TTBK2: variants seen among roughly 807,000 people sequenced by gnomAD.
TTBK2 encodes the protein tau tubulin kinase 2.
A neutral mutation model predicts 110.8 loss-of-function variants in TTBK2; 28 were observed. The ratio of observed to expected loss-of-function variants is 0.25; its 90% CI spans 0.19 to 0.35. TTBK2 has a LOEUF of 0.35. Ranked by LOEUF, TTBK2 falls within the 10% of genes least tolerant of loss-of-function variation. The probability of loss-of-function intolerance (pLI) is 1.00; values close to 1 mark genes in which losing one functional copy is unlikely to be tolerated. For synonymous variants in TTBK2, 532 were observed against 527.3 expected, an observed-to-expected ratio of 1.01 and a Z score of -0.12; for missense variants, 1,369 against 1,500.3, an observed-to-expected ratio of 0.91 and a Z score of 1.45.
intron 4 of TTBK2, among the ~76,000 whole-genome samples, chr15:42,840,122 C>T (rs115094146): frequency 0.016 from 2,464 of 152,176 alleles, 65 homozygotes; most frequent in African/African-American, 0.056. Flanking sequence ...ATGCAGGGAT[C>T]GAAAACTGCA....
intron 1 of TTBK2, among the ~76,000 whole-genome samples, chr15:42,886,354 A>C (rs1030360571): frequency 6.6e-6 from 1 of 152,100 alleles, no homozygotes; most frequent in Admixed American, 6.5e-5. Context: ...CCTCTTAAAG[A>C]GGTGGCTGGA....
At chr15:42,855,198 C>T (rs1195386380) in intron 3 of TTBK2, 1 of 152,124 alleles carries the variant, frequency 6.6e-6, no homozygotes, top group Non-Finnish European at 1.5e-5. Context: ...CTGCCTCAGC[C>T]TCCTGAAAAT....
At chr15:42,830,821 C>T (rs1595959834) in intron 4 of TTBK2, among the ~76,000 whole-genome samples, 2 of 151,892 alleles carry the variant, frequency 1.3e-5, no homozygotes, top group East Asian at 1.9e-4. Flanking sequence ...CTGGCTAACA[C>T]GGTGAAACCC....
Position 42,809,537 on chromosome 15 carries a change from G to GTC in TTBK2, c.822+1075_822+1076dup, listed in dbSNP as rs570660705. On this transcript the variant is annotated intron_variant, in intron 9 of 14. Coordinates refer to ENST00000267890, the MANE Select transcript of TTBK2 (RefSeq NM_173500.4). ...CAATTTTCAGCTCCTCTTGAATCTA[G>GTC]TCTTACAGGTATAATTTCATTGCTT... Among the ~76,000 whole-genome samples, 563 of 152,316 alleles carry GTC rather than the reference G, an allele frequency of 3.7e-3. 2 individuals are homozygous for GTC. Among genetic ancestry groups the GTC allele is most frequent in the African/African-American group, 0.013 (538 of 41,568 alleles).
Position 42,755,811 on chromosome 15 carries a change from C to G in TTBK2, c.1999-2564G>C, listed in dbSNP as rs149412748. On this transcript the variant is annotated intron_variant, in intron 13 of 14. Coordinates refer to ENST00000267890, the MANE Select transcript of TTBK2 (RefSeq NM_173500.4). ...GTAATTCACTTTTCAAAATTTACTT[C>G]TTAGTAAATGCACCCAAAAGTGACC... Among the ~76,000 whole-genome samples the G allele has an allele frequency of 3.7e-3, 559 of 152,250 alleles. 3 individuals are homozygous for G. The highest frequency in any genetic ancestry group is 6.6e-3 in the South Asian group (32 of 4,830).
chr15:42,874,184 A>T lies in TTBK2; in HGVS notation c.70-1426T>A, dbSNP rs111569959. Among the ~76,000 whole-genome samples, 899 of 152,298 alleles carry T rather than the reference A, an allele frequency of 5.9e-3. 10 individuals are homozygous for T. Among genetic ancestry groups the T allele is most frequent in the African/African-American group, 0.02 (847 of 41,580 alleles). On this transcript the variant is annotated intron_variant, in intron 2 of 14. Coordinates refer to ENST00000267890, the MANE Select transcript of TTBK2 (RefSeq NM_173500.4). Reference sequence around the variant, plus strand: ...ACAGAGAAACTAAGCCTTTTCAAAGAGATGGCCATTTGTTCTATTCTATTT... The same window carrying T: ...ACAGAGAAACTAAGCCTTTTCAAAGTGATGGCCATTTGTTCTATTCTATTT...
intron 1 of TTBK2, among the ~76,000 whole-genome samples, chr15:42,909,508 G>A (rs990133804): frequency 1.3e-5 from 2 of 152,076 alleles, no homozygotes; most frequent in African/African-American, 2.4e-5. Context: ...TCTCGCAAGA[G>A]CCTTAATTTA....
intron 10 of TTBK2, among the ~76,000 whole-genome samples, chr15:42,789,197 C>T (rs1890536297): frequency 6.6e-6 from 1 of 152,208 alleles, no homozygotes; most frequent in South Asian, 2.1e-4. Context: ...CCTACATCTC[C>T]CCATTTCCTT....
At chr15:42,814,607 G>A (rs1357477284) in intron 7 of TTBK2, among the ~76,000 whole-genome samples, 4 of 152,088 alleles carry the variant, frequency 2.6e-5, no homozygotes, top group Non-Finnish European at 5.9e-5. Flanking sequence ...ACCAGAAAAA[G>A]AGAAATAGAG....
chr15:42,836,501 G>A (rs148964153), intron 4 of TTBK2, among the ~76,000 whole-genome samples: 28 of 152,096 alleles, frequency 1.8e-4, no homozygotes, highest in African/African-American at 6.5e-4. Context: ...GAGTTTAAAT[G>A]GGTTAACTTT....
rs1176213622 is a variant in TTBK2, at chr15:42,860,645, T to C, written c.217+11966A>G. Among the ~76,000 whole-genome samples, 39 of 147,138 alleles carry C rather than the reference T, an allele frequency of 2.7e-4. 1 individual carries two copies. Among genetic ancestry groups the C allele is most frequent in the Admixed American group, 1.0e-3 (15 of 14,876 alleles). On this transcript the variant is annotated intron_variant, in intron 3 of 14. Transcript: ENST00000267890. Reference sequence around the variant, plus strand: ...CCTTAGCTGGGGTATTCTTTCTTTTTTTTTTTTTTTTTTTTTGAGATGGCA... The same window carrying C: ...CCTTAGCTGGGGTATTCTTTCTTTTCTTTTTTTTTTTTTTTTGAGATGGCA...
At position 42,752,480 on chromosome 15, in the gene TTBK2, C is replaced by T. The variant is rs368034421; in HGVS notation, c.2766G>A (p.Glu922=). The T allele has an allele frequency of 3.7e-6, 6 of 1,614,054 alleles. No individual in the cohort carries two copies. Among genetic ancestry groups the T allele is most frequent in the Non-Finnish European group, 5.1e-6 (6 of 1,180,034 alleles). Residue 922 remains glutamate, a synonymous_variant, in exon 14 of 15, where the codon GAG becomes GAA. Transcript: ENST00000267890. ...TCCGGGTTGGGGCACCATGTTCATT[C>T]TCTGAAACACAATGAAATAGTTCTC... is the stretch of plus-strand genomic sequence containing the variant. ...RNGELFHCVS[E]NEHGAPTRKD... is the part of the protein sequence containing the mutation.
intron 13 of TTBK2, among the ~76,000 whole-genome samples, chr15:42,760,482 A>G (rs1430004261): frequency 2.6e-5 from 4 of 152,116 alleles, no homozygotes; most frequent in African/African-American, 7.2e-5. Flanking sequence ...AGAATTTCTG[A>G]ATTGGAAGAC....
intron 1 of TTBK2, among the ~76,000 whole-genome samples, chr15:42,899,368 G>A (rs1895792973): frequency 6.6e-6 from 1 of 152,064 alleles, no homozygotes; most frequent in Non-Finnish European, 1.5e-5. Context: ...AACCGGGGTA[G>A]GCGGATCACT....
chr15:42,783,446 T>C lies in TTBK2; in HGVS notation c.1170A>G (p.Lys390=). ...KDVWEEMDAN[K]NKIKLGICKA... is the part of the protein sequence containing the mutation. The stretch of plus-strand genomic sequence containing the variant: ...TACAAATTCCAAGCTTTATCTTGTT[T>C]TTGTTGGCATCCATCTCTTCCCAAA... The change falls in exon 11 of 15, where the codon AAA becomes AAG. Residue 390 remains lysine, a synonymous_variant. Transcript: ENST00000267890. 1 of 1,614,148 alleles carries C rather than the reference T, an allele frequency of 6.2e-7. No individual in the cohort carries two copies.
intron 6 of TTBK2, among the ~76,000 whole-genome samples, chr15:42,824,761 T>C (rs1193980063): frequency 6.6e-6 from 1 of 152,060 alleles, no homozygotes. Flanking sequence ...AAATAACTAT[T>C]GGGTACTAGG....
chr15:42,745,236 G>C lies in TTBK2; in HGVS notation c.*559C>G, dbSNP rs1209900555. ...TTTTAAAAAAAAATCTGAACTCCAGGGAGGGTACTAGGAATGAGGCAAAGT... is the reference window on the plus strand; with the variant it reads ...TTTTAAAAAAAAATCTGAACTCCAGCGAGGGTACTAGGAATGAGGCAAAGT... On this transcript the variant is annotated 3_prime_UTR_variant, in exon 15 of 15. Coordinates refer to ENST00000267890, the MANE Select transcript of TTBK2 (RefSeq NM_173500.4). The C allele has an allele frequency of 6.4e-6, 1 of 157,190 alleles. No homozygotes were observed. The highest frequency in any genetic ancestry group is 1.4e-5 in the Non-Finnish European group (1 of 70,736). 9.7% of individuals were successfully genotyped at this position (157,190 alleles called of 1,614,324 possible). A position where few individuals can be genotyped will look rare whatever the true frequency, so the allele number is the denominator to read the frequency against.
rs147422983 is a variant in TTBK2 at position 42,850,082 on chromosome 15, C to T, written c.218-9649G>A. Among the ~76,000 whole-genome samples the T allele has an allele frequency of 2.1e-3, 315 of 152,274 alleles. 6 individuals are homozygous for T. The East Asian group carries it at 0.044, about 21-fold the overall frequency. ...TCCCAACTCTCTTCAGACCACAGTT[C>T]CTCCCATCTGAGAAGAAGGATCCTC... On this transcript the variant is annotated intron_variant, in intron 3 of 14. Coordinates refer to ENST00000267890, the MANE Select transcript of TTBK2 (RefSeq NM_173500.4).
At chr15:42,833,247 TAAAAAAAAAA>T (rs35997543) in intron 4 of TTBK2, among the ~76,000 whole-genome samples, 3 of 74,872 alleles carry the variant, frequency 4.0e-5, no homozygotes, top group African/African-American at 1.6e-4. Flanking sequence ...CCAAATTTTG[TAAAAAAAAAA>T]AAAAAAAAAA....
Sources: gnomAD v4.1 joint callset for allele counts (sites outside exome capture counted in the v4.1 genomes callset) on GRCh38, gnomAD v4.1.1 for gene constraint, MANE v1.5 for transcripts, NCBI Gene and HGNC (gene_info 2026-07-23, HGNC 2026-07-21) for gene names.